The following NEK11 variants were observed in gnomAD, a reference collection of about 807,000 sequenced individuals.
The protein encoded by NEK11 is serine/threonine-protein kinase Nek11.
In NEK11, 72 loss-of-function variants were observed where a neutral mutation model predicts 80.7. The ratio of observed to expected loss-of-function variants is 0.89; its 90% CI spans 0.74 to 1.08. The LOEUF is 1.08. NEK11 is among the 50% of genes least tolerant of loss of function. The probability of loss-of-function intolerance (pLI) is 0.00; values close to 1 mark genes in which losing one functional copy is unlikely to be tolerated. For missense variants in NEK11, 764 were observed against 763.6 expected (o/e 1.00, Z -0.01); for synonymous variants, 251 against 260.7 (o/e 0.96, Z 0.36).
intron 17 of NEK11, among the ~76,000 whole-genome samples, chr3:131,332,637 GAGA>G (rs1296620980): frequency 6.6e-6 from 1 of 152,174 alleles, no homozygotes; most frequent in East Asian, 1.9e-4. Context: ...GACGAGCTGA[GAGA>G]AGAAGGCTTC....
intron 7 of NEK11, among the ~76,000 whole-genome samples, chr3:131,135,102 GAAA>G (rs2149615336): frequency 6.6e-6 from 1 of 152,254 alleles, no homozygotes; most frequent in Non-Finnish European, 1.5e-5. Flanking sequence ...TCTGGTTAGG[GAAA>G]AGTGAATCAC....
chr3:131,331,911 G>A (rs1037378595), intron 17 of NEK11, among the ~76,000 whole-genome samples: 3 of 152,236 alleles, frequency 2.0e-5, no homozygotes, highest in Non-Finnish European at 4.4e-5. Flanking sequence ...GAGGCTGGGG[G>A]AGGGGCGCCT....
At chr3:131,263,133 C>T (rs933934699) in intron 16 of NEK11, among the ~76,000 whole-genome samples, 1 of 151,688 alleles carries the variant, frequency 6.6e-6, no homozygotes, top group South Asian at 2.1e-4. Flanking sequence ...GGTGTGTGCA[C>T]CCATTAACTC....
intron 17 of NEK11, among the ~76,000 whole-genome samples, chr3:131,348,529 C>T (rs1433657664): frequency 1.3e-5 from 2 of 151,704 alleles, no homozygotes; most frequent in Admixed American, 6.6e-5. Flanking sequence ...TAAAGACATT[C>T]ACATTAAAAC....
At position 131,134,443 on chromosome 3, in the gene NEK11, C is replaced by T. The variant is rs185066436; in HGVS notation, c.647+487C>T. Among the ~76,000 whole-genome samples the T allele has an allele frequency of 3.0e-3, 458 of 151,756 alleles. 1 individual carries two copies. Among genetic ancestry groups the T allele is most frequent in the African/African-American group, 0.01 (418 of 41,326 alleles). ...TGAAATGGAGTCTTGCTCTGTTGCC[C>T]AGGCTGGAGTGCAGTGGTGTGATCT... On this transcript the variant is annotated intron_variant, in intron 7 of 17. Transcript: ENST00000383366.
chr3:131,324,842 A>C (rs546358587), intron 17 of NEK11, among the ~76,000 whole-genome samples: 1 of 152,308 alleles, frequency 6.6e-6, no homozygotes, highest in Non-Finnish European at 1.5e-5. Context: ...CCATAAAATG[A>C]AGGTGTTCGA....
intron 5 of NEK11, among the ~76,000 whole-genome samples, chr3:131,116,555 T>C (rs1461495689): frequency 2.0e-5 from 3 of 152,212 alleles, no homozygotes; most frequent in Admixed American, 2.0e-4. Flanking sequence ...CGCCACACTG[T>C]CTTCCACAAT....
intron 16 of NEK11, among the ~76,000 whole-genome samples, chr3:131,264,036 C>T (rs2095993097): frequency 1.3e-5 from 2 of 152,156 alleles, no homozygotes; most frequent in Admixed American, 1.3e-4. Context: ...TGTTCATATA[C>T]TTTGCCCACT....
At chr3:131,168,419 G>C (rs1042819940) in intron 12 of NEK11, among the ~76,000 whole-genome samples, 2 of 149,560 alleles carry the variant, frequency 1.3e-5, no homozygotes, top group East Asian at 3.9e-4. Flanking sequence ...TGCAGTGGCG[G>C]GATCTCGGCT....
intron 17 of NEK11, 117 bp from the exon 18 acceptor site, chr3:131,349,440 C>CT: frequency 3.5e-6 from 3 of 854,468 alleles, no homozygotes; most frequent in South Asian, 1.8e-5. Flanking sequence ...TTTCTTCCCC[C>CT]TTTTTTTCTA....
At chr3:131,207,366 G>A (rs1184324423) in intron 14 of NEK11, among the ~76,000 whole-genome samples, 2 of 152,098 alleles carry the variant, frequency 1.3e-5, no homozygotes, top group African/African-American at 4.8e-5. Context: ...GGTGGATCAC[G>A]AGGTCAGGAG....
At chr3:131,322,515 C>T (rs1402533519) in intron 17 of NEK11, among the ~76,000 whole-genome samples, 1 of 152,172 alleles carries the variant, frequency 6.6e-6, no homozygotes, top group African/African-American at 2.4e-5. Context: ...AGTCTTGCTA[C>T]TATAAATGTA....
At chr3:131,204,766 G>A (rs2094392514) in intron 14 of NEK11, among the ~76,000 whole-genome samples, 1 of 151,940 alleles carries the variant, frequency 6.6e-6, no homozygotes, top group South Asian at 2.1e-4. Flanking sequence ...CTAGTGGAAG[G>A]ACTTAGCATT....
chr3:131,265,575 G>A (rs1229523265), intron 16 of NEK11, among the ~76,000 whole-genome samples: 1 of 152,136 alleles, frequency 6.6e-6, no homozygotes, highest in Non-Finnish European at 1.5e-5. Context: ...TGACTTGATT[G>A]TAGTGGATAA....
At chr3:131,178,531 T>G (rs189170999) in intron 14 of NEK11, among the ~76,000 whole-genome samples, 23 of 152,320 alleles carry the variant, frequency 1.5e-4, no homozygotes, top group African/African-American at 5.5e-4. Context: ...CGAACACACA[T>G]ATTAGCCTAG....
At chr3:131,181,557 T>C (rs146840176) in intron 14 of NEK11, among the ~76,000 whole-genome samples, 2,694 of 152,000 alleles carry the variant, frequency 0.018, 98 homozygotes, top group African/African-American at 0.062. Flanking sequence ...CCATCCTGGC[T>C]AACACGATGA....
chr3:131,307,638 G>A (rs75552327), intron 17 of NEK11, among the ~76,000 whole-genome samples: 18,023 of 152,226 alleles, frequency 0.12, 1,511 homozygotes, highest in East Asian at 0.3. Flanking sequence ...TATAGTTTGA[G>A]CTTCCAGGAA....
At chr3:131,095,618 CAT>C (rs1205437757) in intron 4 of NEK11, among the ~76,000 whole-genome samples, 1 of 152,078 alleles carries the variant, frequency 6.6e-6, no homozygotes, top group East Asian at 1.9e-4. Flanking sequence ...TTCTGGAAAA[CAT>C]ATTAATAACA....
chr3:131,087,184 G>A (rs951567506), intron 4 of NEK11, among the ~76,000 whole-genome samples: 6 of 149,908 alleles, frequency 4.0e-5, no homozygotes, highest in Non-Finnish European at 7.4e-5. Flanking sequence ...AGATTTTGTC[G>A]TGCAGCCTTT....
Sources: gnomAD v4.1 joint callset for allele counts (sites outside exome capture counted in the v4.1 genomes callset) on GRCh38, gnomAD v4.1.1 for gene constraint, MANE v1.5 for transcripts, NCBI Gene and HGNC (gene_info 2026-07-23, HGNC 2026-07-21) for gene names.